OR3A2: variants seen among roughly 807,000 people sequenced by gnomAD.
OR3A2 encodes olfactory receptor 3A2.
For missense variants in OR3A2, 318 were observed against 392.8 expected (o/e 0.81, Z 1.61); for synonymous variants, 126 against 159.3 (o/e 0.79, Z 1.57).
Position 3,311,749 on chromosome 17 carries a change from T to C in OR3A2, c.-85+24284A>G, listed in dbSNP as rs955978161. Reference sequence around the variant, plus strand: ...CCACCTCACTGTGGTCTGAATCTTTTATGGAACTGGCTTCTTCAGTTACAT... The same window carrying C: ...CCACCTCACTGTGGTCTGAATCTTTCATGGAACTGGCTTCTTCAGTTACAT... On this transcript the variant is annotated intron_variant, in intron 3 of 4. Transcript: ENST00000573491. The surrounding 1 kb of genome is among the most constrained non-coding windows in gnomAD (Gnocchi z 4.6). The C allele has an allele frequency of 3.5e-5, 9 of 255,630 alleles. No homozygotes were observed. In the Admixed American group the frequency reaches 3.8e-4, roughly 11 times the overall value. 15.8% of individuals were successfully genotyped at this position (255,630 alleles called of 1,614,324 possible).
chr17:3,372,148 G>A (rs1417196261), intron 2 of OR3A2, among the ~76,000 whole-genome samples: 1 of 150,906 alleles, frequency 6.6e-6, no homozygotes, highest in Non-Finnish European at 1.5e-5. Flanking sequence ...CCCAGACAGG[G>A]TCGCGGCCGG....
At chr17:3,364,023 T>C (rs917039868) in intron 2 of OR3A2, among the ~76,000 whole-genome samples, 22 of 152,168 alleles carry the variant, frequency 1.4e-4, no homozygotes, top group African/African-American at 5.1e-4. Flanking sequence ...CGACATGAGA[T>C]TTGGGAGGGG....
At chr17:3,375,252 CT>C (rs2049673501) in intron 2 of OR3A2, among the ~76,000 whole-genome samples, 2 of 54,512 alleles carry the variant, frequency 3.7e-5, no homozygotes, top group South Asian at 5.9e-4. Flanking sequence ...TTTTCCCCCC[CT>C]TTTTGAGATA....
downstream of OR3A2, chr17:3,276,924 CTTTT>C (rs1309962550): frequency 3.0e-5 from 4 of 134,774 alleles, no homozygotes; most frequent in Admixed American, 7.5e-5. Flanking sequence ...CAGCAGGATT[CTTTT>C]TTTTTTTTTT....
At chr17:3,290,077 A>G (rs376677344) in intron 3 of OR3A2, among the ~76,000 whole-genome samples, 3 of 152,116 alleles carry the variant, frequency 2.0e-5, no homozygotes, top group Non-Finnish European at 4.4e-5. Flanking sequence ...ACCTCTGTTT[A>G]GAGAAAGAGA....
intron 2 of OR3A2, among the ~76,000 whole-genome samples, chr17:3,372,847 A>AGCAGAGGGAGAG (rs2049643258): frequency 1.5e-5 from 1 of 65,074 alleles, no homozygotes; most frequent in Admixed American, 1.7e-4. Flanking sequence ...GAGAAGGAGA[A>AGCAGAGGGAGAG]GGAGAGGGAG....
intron 2 of OR3A2, among the ~76,000 whole-genome samples, chr17:3,348,485 G>A (rs1285227824): frequency 6.6e-6 from 1 of 152,058 alleles, no homozygotes; most frequent in African/African-American, 2.4e-5. Flanking sequence ...AGAGAAAAAA[G>A]AATAAAAAGA....
chr17:3,295,986 A>G (rs2048915481), intron 3 of OR3A2, among the ~76,000 whole-genome samples: 1 of 152,160 alleles, frequency 6.6e-6, no homozygotes, highest in African/African-American at 2.4e-5. Context: ...AGTCCATATA[A>G]ATTTAAGTTG....
At chr17:3,386,298 G>T (rs1383650870), upstream of OR3A2, 2 of 398,236 alleles carry the variant, frequency 5.0e-6, no homozygotes, top group Admixed American at 4.4e-5. Flanking sequence ...ACGACCGCCC[G>T]ACGGCGGCGT....
At chr17:3,372,841 AGGAGAAGGAGAGGGAGAG>A (rs1393279598) in intron 2 of OR3A2, among the ~76,000 whole-genome samples, 13 of 98,556 alleles carry the variant, frequency 1.3e-4, no homozygotes, top group African/African-American at 4.9e-4. Context: ...AGGGAGGAGA[AGGAGAAGGAGAGGGAGAG>A]GGAGAGGGAG....
chr17:3,375,230 CTTTTTTTTTTTTT>C, intron 2 of OR3A2, among the ~76,000 whole-genome samples: 1 of 9,358 alleles, frequency 1.1e-4, no homozygotes, highest in South Asian at 4.2e-3. Flanking sequence ...TTTTTTTTTT[CTTTTTTTTTTTTT>C]TTCCCCCCCT....
chr17:3,290,286 T>C (rs760090163), intron 3 of OR3A2, among the ~76,000 whole-genome samples: 1 of 152,292 alleles, frequency 6.6e-6, no homozygotes, highest in East Asian at 1.9e-4. Flanking sequence ...CTTCCTCTGA[T>C]CTTTCAATAC....
chr17:3,367,601 G>GTATATATAATATA (rs2049575498), intron 2 of OR3A2, among the ~76,000 whole-genome samples: 5 of 122,534 alleles, frequency 4.1e-5, no homozygotes, highest in African/African-American at 1.4e-4. Flanking sequence ...GTGTGTGTGT[G>GTATATATAATATA]TATATATATA....
chr17:3,342,847 G>C (rs2049331016), intron 2 of OR3A2, among the ~76,000 whole-genome samples: 1 of 152,232 alleles, frequency 6.6e-6, no homozygotes, highest in Non-Finnish European at 1.5e-5. Flanking sequence ...GTCTGCAGAA[G>C]TTTCTGCTGC....
chr17:3,297,221 A>G (rs1279101163), intron 3 of OR3A2, among the ~76,000 whole-genome samples: 1 of 152,198 alleles, frequency 6.6e-6, no homozygotes, highest in Non-Finnish European at 1.5e-5. Flanking sequence ...TTCCTGTTGT[A>G]TCACCCTCTG....
chr17:3,310,759 T>A (rs756056527), intron 3 of OR3A2: 1 of 562,048 alleles, frequency 1.8e-6, no homozygotes, highest in Non-Finnish European at 3.6e-6. Context: ...CTGGTGGGCA[T>A]GTCATGTGTC....
chr17:3,301,299 G>A (rs1168678945), intron 3 of OR3A2, among the ~76,000 whole-genome samples: 11 of 152,164 alleles, frequency 7.2e-5, no homozygotes, highest in Non-Finnish European at 7.4e-5. Context: ...CTAGTTTACA[G>A]TCCCACCAAC....
chr17:3,285,703 G>A (rs989901027), upstream of OR3A2, among the ~76,000 whole-genome samples: 14 of 152,256 alleles, frequency 9.2e-5, no homozygotes, highest in Middle Eastern at 3.4e-3. Flanking sequence ...TGAAAGGATC[G>A]CTTGAGCCCA....
intron 3 of OR3A2, among the ~76,000 whole-genome samples, chr17:3,306,279 G>A (rs540383889): frequency 9.2e-5 from 14 of 151,998 alleles, no homozygotes; most frequent in South Asian, 8.3e-4. Flanking sequence ...AGCCTCCCAA[G>A]TAGCTGGGAC....
Sources: allele counts gnomAD v4.1 joint callset (sites outside exome capture counted in the v4.1 genomes callset), GRCh38; gene constraint gnomAD v4.1.1; non-coding constraint Gnocchi (gnomAD v3.1); transcripts MANE v1.5; gene names NCBI Gene and HGNC (gene_info 2026-07-23, HGNC 2026-07-21).